ARHGAP42: variants seen among roughly 807,000 people sequenced by gnomAD.
ARHGAP42 encodes the protein Rho GTPase activating protein 42.
Under a neutral mutation model 125.0 loss-of-function variants are expected in ARHGAP42, and 63 were observed. The observed-to-expected ratio is 0.50, with a 90% CI of 0.41 to 0.62. The LOEUF is 0.62. ARHGAP42 is among the 20% of genes least tolerant of loss of function. ARHGAP42 has a pLI of 0.00. For synonymous variants in ARHGAP42, 339 were observed against 351.0 expected (o/e 0.97, Z 0.38); for missense variants, 766 against 1,024.2 (o/e 0.75, Z 3.44).
At chr11:100,916,522 A>G (rs1359088488) in intron 5 of ARHGAP42, among the ~76,000 whole-genome samples, 2 of 152,232 alleles carry the variant, frequency 1.3e-5, no homozygotes, top group Admixed American at 1.3e-4. Flanking sequence ...TCAGTGTCAC[A>G]TGTATTTGAA....
chr11:100,771,389 C>T (rs1350041780), intron 2 of ARHGAP42, among the ~76,000 whole-genome samples: 2 of 152,128 alleles, frequency 1.3e-5, no homozygotes, highest in Non-Finnish European at 2.9e-5. Context: ...CTTTTAAAGA[C>T]CTCTACATTT....
intron 1 of ARHGAP42, among the ~76,000 whole-genome samples, chr11:100,688,640 A>G (rs1481024991): frequency 6.6e-6 from 1 of 152,170 alleles, no homozygotes; most frequent in African/African-American, 2.4e-5. Context: ...GAAACTGAAG[A>G]GTTTCTCTTA....
intron 22 of ARHGAP42, chr11:100,986,471 A>G (rs1455915981): frequency 1.6e-5 from 3 of 183,982 alleles, no homozygotes; most frequent in African/African-American, 7.2e-5. Flanking sequence ...ACCTGACTGC[A>G]TATAGTTTGT....
intron 1 of ARHGAP42, among the ~76,000 whole-genome samples, chr11:100,689,018 A>ACTG (rs1332841910): frequency 6.6e-6 from 1 of 152,234 alleles, no homozygotes; most frequent in Non-Finnish European, 1.5e-5. Context: ...TGAAACATGT[A>ACTG]TTAACAGTAA....
chr11:100,723,548 A>T (rs1861802779), intron 1 of ARHGAP42, among the ~76,000 whole-genome samples: 1 of 151,966 alleles, frequency 6.6e-6, no homozygotes. Flanking sequence ...AATGTAAATG[A>T]TGTTGAGTTT....
intron 6 of ARHGAP42, among the ~76,000 whole-genome samples, chr11:100,925,598 C>T (rs895394245): frequency 6.6e-6 from 1 of 151,208 alleles, no homozygotes; most frequent in Non-Finnish European, 1.5e-5. Flanking sequence ...ATTAGCCAGG[C>T]GTGGTGGTGG....
intron 4 of ARHGAP42, 120 bp downstream of exon 4, chr11:100,859,745 A>G (rs1237674115): frequency 1.3e-6 from 1 of 746,614 alleles, no homozygotes; most frequent in African/African-American, 1.8e-5. Flanking sequence ...ACATCATTTA[A>G]AACTTTTTGC....
At chr11:100,829,310 G>A (rs1370499803) in intron 3 of ARHGAP42, among the ~76,000 whole-genome samples, 1 of 151,358 alleles carries the variant, frequency 6.6e-6, no homozygotes, top group Non-Finnish European at 1.5e-5. Flanking sequence ...CAGCGAGCTA[G>A]GATCATGCCA....
At chr11:100,907,952 T>C (rs1194958153) in intron 4 of ARHGAP42, among the ~76,000 whole-genome samples, 5 of 152,204 alleles carry the variant, frequency 3.3e-5, no homozygotes, top group Non-Finnish European at 7.4e-5. Flanking sequence ...ATTTAGGTAA[T>C]GGCTATGCTA....
intron 1 of ARHGAP42, among the ~76,000 whole-genome samples, chr11:100,727,949 G>A (rs1477495400): frequency 6.6e-6 from 1 of 152,142 alleles, no homozygotes; most frequent in African/African-American, 2.4e-5. Flanking sequence ...GGGCAGTCTT[G>A]TGGGAGTGAG....
intron 4 of ARHGAP42, among the ~76,000 whole-genome samples, chr11:100,900,027 T>C (rs989674763): frequency 2.0e-5 from 3 of 152,198 alleles, no homozygotes; most frequent in African/African-American, 4.8e-5. Context: ...TTTGGCATGT[T>C]TTTGGAGTGG....
At chr11:100,699,880 CTCTG>C (rs983816727) in intron 1 of ARHGAP42, among the ~76,000 whole-genome samples, 5 of 152,170 alleles carry the variant, frequency 3.3e-5, no homozygotes, top group Admixed American at 6.5e-5. Context: ...CAGTGCCATG[CTCTG>C]TCTGAGTTCT....
intron 3 of ARHGAP42, among the ~76,000 whole-genome samples, chr11:100,856,153 C>T (rs556767530): frequency 2.6e-5 from 4 of 152,080 alleles, no homozygotes; most frequent in Non-Finnish European, 5.9e-5. Context: ...TTTGTGAATC[C>T]GGATGAAAGA....
At chr11:100,837,847 T>C (rs551132483) in intron 3 of ARHGAP42, among the ~76,000 whole-genome samples, 3 of 147,690 alleles carry the variant, frequency 2.0e-5, no homozygotes, top group Non-Finnish European at 3.0e-5. Flanking sequence ...ATTTAATTAG[T>C]TGTGGCTGTT....
chr11:100,900,622 T>C (rs1272312049), intron 4 of ARHGAP42, among the ~76,000 whole-genome samples: 1 of 152,198 alleles, frequency 6.6e-6, no homozygotes, highest in African/African-American at 2.4e-5. Flanking sequence ...CATTCTTTTT[T>C]CCCTAAACTT....
intron 4 of ARHGAP42, among the ~76,000 whole-genome samples, chr11:100,883,796 T>G (rs1355129287): frequency 3.4e-4 from 51 of 152,178 alleles, no homozygotes; most frequent in Non-Finnish European, 4.4e-5. Flanking sequence ...ACAGATTTAG[T>G]GCTTTGGGTC....
chr11:100,793,857 A>G (rs1863636148), intron 2 of ARHGAP42, among the ~76,000 whole-genome samples: 1 of 152,196 alleles, frequency 6.6e-6, no homozygotes, highest in South Asian at 2.1e-4. Flanking sequence ...GGATCACTTG[A>G]GTCCAAGAGT....
At chr11:100,988,666 T>G in intron 23 of ARHGAP42, 47 bp from the exon 24 acceptor site, 3 of 1,436,746 alleles carry the variant, frequency 2.1e-6, no homozygotes, top group Non-Finnish European at 2.9e-6. Flanking sequence ...ATATAATTAT[T>G]TGACACTAAT....
rs1288222179 is a variant in ARHGAP42 at position 100,835,961 on chromosome 11, G to T, written c.313-23593G>T. Among the ~76,000 whole-genome samples, 3 of 152,128 alleles carry T rather than the reference G, an allele frequency of 2.0e-5. No homozygotes were observed. In the East Asian group the frequency reaches 5.8e-4, roughly 29 times the overall value. Reference sequence around the variant, plus strand: ...CTACTCCTGTAATTATCTAGTTAATGTGATAATGAAGCCAGCCGAACAAGG... The same window carrying T: ...CTACTCCTGTAATTATCTAGTTAATTTGATAATGAAGCCAGCCGAACAAGG... On this transcript the variant is annotated intron_variant, in intron 3 of 23. Transcript: ENST00000298815.
Sources: allele counts gnomAD v4.1 joint callset (sites outside exome capture counted in the v4.1 genomes callset), GRCh38; gene constraint gnomAD v4.1.1; transcripts MANE v1.5; gene names NCBI Gene and HGNC (gene_info 2026-07-23, HGNC 2026-07-21).